Variants in PSMA1 observed in about 807,000 individuals in gnomAD.
PSMA1 encodes proteasome subunit alpha type-1.
PSMA1 carries 3 observed loss-of-function variants against 38.4 expected under a neutral mutation model. The observed-to-expected ratio is 0.08, with a 90% CI of 0.04 to 0.20. The LOEUF is 0.20. Ranked by LOEUF, PSMA1 falls within the 10% of genes least tolerant of loss-of-function variation. The pLI is 1.00. For synonymous variants in PSMA1, 101 were observed against 107.1 expected, an observed-to-expected ratio of 0.94 and a Z score of 0.35; for missense variants, 227 against 325.3, an observed-to-expected ratio of 0.70 and a Z score of 2.32.
intron 2 of PSMA1, among the ~76,000 whole-genome samples, chr11:14,572,985 T>C (rs193268361): frequency 6.6e-6 from 1 of 152,280 alleles, no homozygotes; most frequent in Non-Finnish European, 1.5e-5. Context: ...AATCTCTGAA[T>C]AGACCAATAA....
At chr11:14,642,221 C>T (rs934048563) in intron 1 of PSMA1, among the ~76,000 whole-genome samples, 1 of 152,196 alleles carries the variant, frequency 6.6e-6, no homozygotes, top group African/African-American at 2.4e-5. Context: ...AGTTTTGTCA[C>T]GCCCTTCTGT....
At chr11:14,599,490 A>G (rs1852551789) in intron 2 of PSMA1, among the ~76,000 whole-genome samples, 1 of 151,884 alleles carries the variant, frequency 6.6e-6, no homozygotes, top group African/African-American at 2.4e-5. Flanking sequence ...CATTAATTTG[A>G]TCTTCAGTAA....
intron 2 of PSMA1, among the ~76,000 whole-genome samples, chr11:14,593,848 C>G (rs1406634089): frequency 6.6e-6 from 1 of 152,194 alleles, no homozygotes; most frequent in African/African-American, 2.4e-5. Flanking sequence ...CTTTCTTCCT[C>G]TTTTCTAACA....
Position 14,520,301 on chromosome 11 carries a change from G to A in PSMA1, c.-2C>T, listed in dbSNP as rs753952149. On this transcript the variant is annotated 5_prime_UTR_variant, in exon 1 of 10. Transcript: ENST00000396394. ...AGAGATCGGGATTCAACGTACCATG[G>A]TGGCGGCGCGGGCCTGGTTGCGGCC... The A allele has an allele frequency of 2.5e-6, 4 of 1,614,074 alleles. No homozygotes were observed. The highest frequency in any genetic ancestry group is 1.7e-5 in the Admixed American group (1 of 60,016).
chr11:14,518,954 C>CA (rs773631014), intron 2 of PSMA1, 43 bp downstream of exon 2: 18 of 1,483,102 alleles, frequency 1.2e-5, no homozygotes, highest in Non-Finnish European at 1.4e-5. Flanking sequence ...ATTGCAGCCA[C>CA]AAAAAGCCAC....
chr11:14,557,563 A>G (rs1851954986), intron 2 of PSMA1, among the ~76,000 whole-genome samples: 1 of 152,068 alleles, frequency 6.6e-6, no homozygotes, highest in Non-Finnish European at 1.5e-5. Context: ...TTTCTACTCA[A>G]TTTTAAAATT....
chr11:14,510,288 T>C (rs956063148), intron 8 of PSMA1, among the ~76,000 whole-genome samples: 2 of 152,202 alleles, frequency 1.3e-5, no homozygotes, highest in African/African-American at 4.8e-5. Flanking sequence ...TAGATCTGCA[T>C]AGCTCATACT....
intron 2 of PSMA1, among the ~76,000 whole-genome samples, chr11:14,539,835 C>A (rs774017169): frequency 1.3e-5 from 2 of 150,146 alleles, no homozygotes; most frequent in Non-Finnish European, 3.0e-5. Flanking sequence ...GGTGACAGAG[C>A]GAGACTCCGT....
chr11:14,638,508 T>TCTCTCTCTCTCTCC (rs1565065351), intron 1 of PSMA1, among the ~76,000 whole-genome samples: 36 of 19,858 alleles, frequency 1.8e-3, no homozygotes, highest in Middle Eastern at 0.031. Context: ...GAAACACACC[T>TCTCTCTCTCTCTCC]CTCTCTCTCT....
chr11:14,574,965 G>T (rs1407890641), intron 2 of PSMA1, among the ~76,000 whole-genome samples: 1 of 152,180 alleles, frequency 6.6e-6, no homozygotes, highest in African/African-American at 2.4e-5. Context: ...ACAGTTTGGA[G>T]GGCTCAGAAG....
intron 1 of PSMA1, among the ~76,000 whole-genome samples, chr11:14,631,815 G>A (rs1853016951): frequency 6.6e-6 from 1 of 151,540 alleles, no homozygotes; most frequent in Admixed American, 6.6e-5. Context: ...CTCTTTGTAG[G>A]TCACTCAGGA....
intron 2 of PSMA1, among the ~76,000 whole-genome samples, chr11:14,544,903 T>C (rs1439054411): frequency 6.6e-6 from 1 of 152,196 alleles, no homozygotes; most frequent in African/African-American, 2.4e-5. Flanking sequence ...GCATTATTCA[T>C]AATAGCTAAG....
chr11:14,550,684 G>A (rs145384975), intron 2 of PSMA1, among the ~76,000 whole-genome samples: 2 of 152,194 alleles, frequency 1.3e-5, no homozygotes, highest in African/African-American at 4.8e-5. Flanking sequence ...GTTTGAGGGT[G>A]GGGGATCAGT....
chr11:14,518,845 C>G (rs1851478515), intron 2 of PSMA1, 152 bp downstream of exon 2: 1 of 629,650 alleles, frequency 1.6e-6, no homozygotes, highest in Non-Finnish European at 2.7e-6. Context: ...CTAGGTCCAT[C>G]AGGAAACCTA....
chr11:14,531,002 ACT>A (rs1241047463), intron 2 of PSMA1, among the ~76,000 whole-genome samples: 1 of 152,058 alleles, frequency 6.6e-6, no homozygotes, highest in East Asian at 1.9e-4. Flanking sequence ...GAAGTCTAAA[ACT>A]CTATGTTTCT....
At chr11:14,520,063 A>C (rs1477060039) in intron 1 of PSMA1, 2 of 623,354 alleles carry the variant, frequency 3.2e-6, no homozygotes, top group Non-Finnish European at 5.7e-6. Context: ...ACCGAGGAGG[A>C]AGTGTCGGAG....
rs952869394 is a variant in PSMA1 at position 14,622,271 on chromosome 11, G to C, written c.-165-11120C>G. On this transcript the variant is annotated intron_variant, in intron 1 of 10. Transcript: ENST00000418988. ...ATTCTTTTCTATTCCAATTAGAAGAGAGGATCAGAAACAGTTCACATTCCT... is the reference window on the plus strand; with the variant it reads ...ATTCTTTTCTATTCCAATTAGAAGACAGGATCAGAAACAGTTCACATTCCT... 3.9e-5 allele frequency among the ~76,000 whole-genome samples: 6 copies of C among 152,214 alleles called. 1 individual carries two copies. The highest frequency in any genetic ancestry group is 6.5e-5 in the Admixed American group (1 of 15,276).
chr11:14,633,686 G>T (rs548306650), intron 1 of PSMA1, among the ~76,000 whole-genome samples: 220 of 152,312 alleles, frequency 1.4e-3, no homozygotes, highest in African/African-American at 4.9e-3. Context: ...CTTCCTGGCT[G>T]CTTTGTTTAC....
At chr11:14,565,048 A>C (rs1589993932) in intron 2 of PSMA1, among the ~76,000 whole-genome samples, 1 of 152,098 alleles carries the variant, frequency 6.6e-6, no homozygotes, top group Non-Finnish European at 1.5e-5. Context: ...CAAAGTGCTG[A>C]GATTACAGGC....
Sources: allele counts gnomAD v4.1 joint callset (sites outside exome capture counted in the v4.1 genomes callset), GRCh38; gene constraint gnomAD v4.1.1; transcripts MANE v1.5; gene names NCBI Gene and HGNC (gene_info 2026-07-23, HGNC 2026-07-21).